ABCA9: variants seen among roughly 807,000 people sequenced by gnomAD.
ABCA9 encodes ATP-binding cassette sub-family A member 9.
ABCA9 carries 183 observed loss-of-function variants against 205.3 expected under a neutral mutation model. The ratio of observed to expected loss-of-function variants is 0.89; its 90% CI spans 0.79 to 1.01. The LOEUF (loss-of-function observed/expected upper bound fraction) is 1.01. ABCA9 is among the 50% of genes least tolerant of loss of function. The probability of loss-of-function intolerance (pLI) is 0.00; values close to 1 mark genes in which losing one functional copy is unlikely to be tolerated. For synonymous variants in ABCA9, 651 were observed against 683.3 expected, an observed-to-expected ratio of 0.95 and a Z score of 0.74; for missense variants, 1,805 against 1,912.4, an observed-to-expected ratio of 0.94 and a Z score of 1.05.
chr17:68,993,694 T>C (rs2069526313), intron 26 of ABCA9, among the ~76,000 whole-genome samples: 1 of 152,230 alleles, frequency 6.6e-6, no homozygotes, highest in Admixed American at 6.5e-5. Context: ...TGCAGTAGAT[T>C]TCTAACTATC....
the ABCA9 span, among the ~76,000 whole-genome samples, chr17:69,076,843 G>C: frequency 4.1e-4 from 62 of 152,136 alleles, no homozygotes; most frequent in African/African-American, 1.4e-3. Context: ...ATTTCTGTGG[G>C]ATCAGTTGTA....
At chr17:69,048,788 T>C (rs887194169) in intron 3 of ABCA9, among the ~76,000 whole-genome samples, 1 of 152,178 alleles carries the variant, frequency 6.6e-6, no homozygotes, top group Non-Finnish European at 1.5e-5. Flanking sequence ...AGATACCTTA[T>C]TGTTTCTCTT....
At chr17:69,047,778 T>C (rs139352190) in intron 3 of ABCA9, among the ~76,000 whole-genome samples, 122 of 152,292 alleles carry the variant, frequency 8.0e-4, no homozygotes, top group Non-Finnish European at 1.4e-3. Context: ...CTGCCTTTGT[T>C]CTGTTCTCAC....
chr17:69,046,896 TATATATATATATATATAA>T (rs1221554910), intron 3 of ABCA9, among the ~76,000 whole-genome samples: 1 of 121,542 alleles, frequency 8.2e-6, no homozygotes, highest in African/African-American at 3.5e-5. Context: ...TATATATATA[TATATATATATATATATAA>T]AATTTTATAT....
intron 5 of ABCA9, 92 bp downstream of exon 5, chr17:69,044,405 G>A (rs1433371567): frequency 3.7e-6 from 4 of 1,080,794 alleles, no homozygotes; most frequent in Non-Finnish European, 5.4e-6. Flanking sequence ...TATTAATGAA[G>A]TGAATAAATG....
chr17:68,979,558 A>G (rs2068981168), intron 37 of ABCA9, among the ~76,000 whole-genome samples: 1 of 151,300 alleles, frequency 6.6e-6, no homozygotes, highest in Non-Finnish European at 1.5e-5. Flanking sequence ...AGTAACCAAA[A>G]CAGAATGGTA....
rs372923960 is a variant in ABCA9, at chr17:69,021,849, T to G, written c.2294A>C (p.Asp765Ala). 30 of 1,529,902 alleles carry G rather than the reference T, an allele frequency of 2.0e-5. No individual in the cohort carries two copies. The highest frequency in any genetic ancestry group is 3.7e-5 in the Admixed American group (2 of 54,200). 94.8% of individuals were successfully genotyped at this position (1,529,902 alleles called of 1,614,324 possible). ...RTNKFPELYR[D>A]LDRCSNQGIE... ...GCCTTGGTTAGAACATCTATCAAGA[T>G]CCCTGTAAAGTTCTAAAAGTGGATA... Residue 765 changes from aspartate to alanine, a missense_variant, in exon 18 of 39, where the codon GAT becomes GCT. Transcript: ENST00000340001.
Position 68,989,819 on chromosome 17 carries a change from T to C in ABCA9, c.3949A>G (p.Lys1317Glu). Residue 1317 changes from lysine to glutamate, a missense_variant, in exon 30 of 39, where the codon AAA (lysine) becomes GAA (glutamate). Physicochemically the swap from Lys to Glu is moderately conservative, Grantham distance 56. Transcript: ENST00000340001. Reference protein sequence around the residue: ...IATRNVSFCVKKGEVIGLLGH... With the variant: ...IATRNVSFCVEKGEVIGLLGH... ...TGGAACTACTGTTTCCAACCTTTTT[T>C]AACACAAAAAGAGACATTTCTTGTG... 5.7e-6 allele frequency: 9 copies of C among 1,573,074 alleles called. No homozygotes were observed. The highest frequency in any genetic ancestry group is 7.9e-6 in the Non-Finnish European group (9 of 1,144,204).
intron 19 of ABCA9, among the ~76,000 whole-genome samples, chr17:69,019,244 T>C (rs1206609859): frequency 6.6e-6 from 1 of 152,152 alleles, no homozygotes; most frequent in Admixed American, 6.6e-5. Flanking sequence ...AATTACCCAA[T>C]TAAGCTTCTT....
At chr17:69,054,128 C>T (rs1162581674) in intron 1 of ABCA9, among the ~76,000 whole-genome samples, 1 of 152,144 alleles carries the variant, frequency 6.6e-6, no homozygotes, top group African/African-American at 2.4e-5. Flanking sequence ...GAAGTACTTT[C>T]TCAGACAAAC....
Position 68,975,957 on chromosome 17 carries a change from A to T in ABCA9, c.4833T>A (p.Asp1611Glu). Residue 1611 changes from aspartate (D) to glutamate (E), a missense_variant, in exon 39 of 39, where the codon GAT becomes GAA. Asp to Glu is a conservative substitution (Grantham distance 45, BLOSUM62 2). Coordinates refer to ENST00000340001, the MANE Select transcript of ABCA9 (RefSeq NM_080283.4). Reference sequence around the variant, plus strand: ...GGAGGAGTTTCCACTTCACCGAGGGATCAAAGTCCTCTTCAAGATCACCCA... The same window carrying T: ...GGAGGAGTTTCCACTTCACCGAGGGTTCAAAGTCCTCTTCAAGATCACCCA... ...QELGDLEEDF[D>E]PSVKWKLLLQ... 1 of 1,613,708 alleles carries T rather than the reference A, an allele frequency of 6.2e-7. No homozygotes were observed. Among genetic ancestry groups the T allele is most frequent in the Non-Finnish European group, 8.5e-7 (1 of 1,179,864 alleles).
At chr17:69,044,302 C>T (rs1277020470) in intron 5 of ABCA9, among the ~76,000 whole-genome samples, 195 bp downstream of exon 5, 1 of 152,060 alleles carries the variant, frequency 6.6e-6, no homozygotes, top group Non-Finnish European at 1.5e-5. Context: ...TACCAGTATC[C>T]CTGGAGAAAA....
At chr17:69,014,719 T>G (rs1307999133) in intron 22 of ABCA9, among the ~76,000 whole-genome samples, 1 of 152,162 alleles carries the variant, frequency 6.6e-6, no homozygotes, top group Non-Finnish European at 1.5e-5. Flanking sequence ...TCAGGCAGCA[T>G]GCAAGAAGCA....
At chr17:68,996,877 G>A (rs187421999) in intron 25 of ABCA9, among the ~76,000 whole-genome samples, 1 of 152,128 alleles carries the variant, frequency 6.6e-6, no homozygotes, top group East Asian at 1.9e-4. Context: ...TGCTAATACT[G>A]AACCATTATT....
At chr17:69,020,970 C>T (rs546248928) in intron 18 of ABCA9, among the ~76,000 whole-genome samples, 1 of 152,116 alleles carries the variant, frequency 6.6e-6, no homozygotes, top group Non-Finnish European at 1.5e-5. Flanking sequence ...CCTTCAAGAA[C>T]ATAAAAATGG....
chr17:69,043,725 GAT>G lies in ABCA9; in HGVS notation c.574-12_574-11del, dbSNP rs1327408409. On this transcript the variant is annotated splice_polypyrimidine_tract_variant and intron_variant, in intron 5 of 38. Coordinates refer to ENST00000340001, the MANE Select transcript of ABCA9 (RefSeq NM_080283.4). ...AATGATTTGTTGCGATCTGAAGAAA[GAT>G]ATCAATGAACAAATTGTTATCATCA... 3 of 1,567,668 alleles carry G rather than the reference GAT, an allele frequency of 1.9e-6. No individual in the cohort carries two copies. In the Admixed American group the frequency reaches 5.9e-5, roughly 31 times the overall value.
chr17:68,986,486 G>T (rs1398918068), intron 31 of ABCA9, 162 bp from the exon 32 acceptor site: 1 of 619,414 alleles, frequency 1.6e-6, no homozygotes, highest in East Asian at 3.2e-5. Context: ...GGTGGTAAAA[G>T]CCCACTTTAA....
chr17:69,060,532 A>G (rs2072209975), intron 1 of ABCA9, among the ~76,000 whole-genome samples: 1 of 149,616 alleles, frequency 6.7e-6, no homozygotes, highest in African/African-American at 2.4e-5. Flanking sequence ...AAACAAACAA[A>G]GAAGAGTAAG....
Position 68,985,121 on chromosome 17 carries a change from C to G in ABCA9, c.4216G>C (p.Asp1406His). 1 of 1,614,218 alleles carries G rather than the reference C, an allele frequency of 6.2e-7. No individual in the cohort carries two copies. The highest frequency in any genetic ancestry group is 8.5e-7 in the Non-Finnish European group (1 of 1,180,036). The part of the protein sequence containing the change: ...DAMIAITRLV[D>H]ALKLQDQLKA... ...AGCTGGTCCTGCAGCTTGAGCGCATCCACTAACCTGAAGAAAACAGAGTCA... is the reference window on the plus strand; with the variant it reads ...AGCTGGTCCTGCAGCTTGAGCGCATGCACTAACCTGAAGAAAACAGAGTCA... Residue 1406 changes from aspartate to histidine, a missense_variant, in exon 33 of 39, where the codon GAT becomes CAT. Asp to His is a moderately conservative substitution (Grantham distance 81). Coordinates refer to ENST00000340001, the MANE Select transcript of ABCA9 (RefSeq NM_080283.4).
Sources: gnomAD v4.1 joint callset for allele counts (sites outside exome capture counted in the v4.1 genomes callset) on GRCh38, gnomAD v4.1.1 for gene constraint, MANE v1.5 for transcripts, NCBI Gene and HGNC (gene_info 2026-07-23, HGNC 2026-07-21) for gene names.